Variants in TNFAIP8L1 observed in about 807,000 individuals in gnomAD.
TNFAIP8L1 encodes tumor necrosis factor alpha-induced protein 8-like protein 1.
For synonymous variants in TNFAIP8L1, 127 were observed against 125.6 expected (o/e 1.01, Z -0.08); for missense variants, 225 against 266.1 (o/e 0.85, Z 1.08).
chr19:4,644,901 T>G (rs2088295795), intron 1 of TNFAIP8L1, among the ~76,000 whole-genome samples: 1 of 152,028 alleles, frequency 6.6e-6, no homozygotes, highest in Non-Finnish European at 1.5e-5. Context: ...ACGCCCAGCC[T>G]GTGAGTCATG....
At chr19:4,640,765 T>C (rs1194902905) in intron 1 of TNFAIP8L1, 2 of 152,312 alleles carry the variant, frequency 1.3e-5, no homozygotes, top group South Asian at 2.1e-4. Flanking sequence ...TTGCATGGGC[T>C]GTGCCCTCTG....
At chr19:4,650,352 C>T (rs1378116061) in intron 1 of TNFAIP8L1, among the ~76,000 whole-genome samples, 1 of 151,764 alleles carries the variant, frequency 6.6e-6, no homozygotes, top group African/African-American at 2.4e-5. Flanking sequence ...GGAGATGGGG[C>T]CTTAGGGTAT....
chr19:4,648,924 C>CTTTT (rs10526236), intron 1 of TNFAIP8L1, among the ~76,000 whole-genome samples: 1 of 132,468 alleles, frequency 7.5e-6, no homozygotes. Flanking sequence ...TGCAAACATC[C>CTTTT]TTTTTTTTTT....
Position 4,655,452 on chromosome 19 carries a change from GTGT to G in TNFAIP8L1, c.*3023_*3025del, listed in dbSNP as rs2088415017. 2 of 152,208 alleles carry G rather than the reference GTGT, an allele frequency of 1.3e-5. No homozygotes were observed. The highest frequency in any genetic ancestry group is 4.1e-4 in the South Asian group (2 of 4,824). 9.4% of individuals were successfully genotyped at this position (152,208 alleles called of 1,614,324 possible). On this transcript the variant is annotated 3_prime_UTR_variant, in exon 2 of 2. Coordinates refer to ENST00000327473, the MANE Select transcript of TNFAIP8L1 (RefSeq NM_152362.3). ...GAGACATCAGTGTGTAAAACTCTCT[GTGT>G]CCCTGTTGGGCTGTCCAGACAGTCT... is the stretch of plus-strand genomic sequence containing the variant.
intron 1 of TNFAIP8L1, among the ~76,000 whole-genome samples, chr19:4,650,419 A>T (rs908256368): frequency 6.6e-6 from 1 of 151,644 alleles, no homozygotes; most frequent in African/African-American, 2.4e-5. Flanking sequence ...TGGTCCTGGG[A>T]GCTTTGAGGA....
In TNFAIP8L1 at chr19:4,641,276, AAT is replaced by A. The variant is rs2088258675; in HGVS notation, c.-4+1648_-4+1649del. ...GAGGCCTCAGTGTCCCTGTCTGTCC[AAT>A]GGGGCCACGAAAGGGTGCCTTGAGG... On this transcript the variant is annotated intron_variant, in intron 1 of 1. Transcript: ENST00000327473. This position sits in a 1 kb window ranked among gnomAD's most constrained non-coding sequence, Gnocchi z 4.6. 6.6e-6 allele frequency: 1 copy of A among 152,152 alleles called. No homozygotes were observed. Among genetic ancestry groups the A allele is most frequent in the Non-Finnish European group, 1.5e-5 (1 of 68,048 alleles). 9.4% of individuals were successfully genotyped at this position (152,152 alleles called of 1,614,324 possible).
At chr19:4,650,648 GCTCTC>G (rs1398669457) in intron 1 of TNFAIP8L1, among the ~76,000 whole-genome samples, 1 of 152,004 alleles carries the variant, frequency 6.6e-6, no homozygotes, top group African/African-American at 2.4e-5. Context: ...AGCTGGCCAG[GCTCTC>G]ACCTTGGCCA....
intron 1 of TNFAIP8L1, among the ~76,000 whole-genome samples, chr19:4,649,096 AT>A: frequency 6.6e-6 from 1 of 151,420 alleles, no homozygotes; most frequent in South Asian, 2.1e-4. Context: ...TGCCCAGCTA[AT>A]TTTTGTATTT....
At position 4,652,487 on chromosome 19, in the gene TNFAIP8L1, C is replaced by A. The variant is rs2088379578; in HGVS notation, c.*57C>A. The A allele has an allele frequency of 2.1e-6, 3 of 1,437,180 alleles. No homozygotes were observed. The highest frequency in any genetic ancestry group is 1.5e-5 in the African/African-American group (1 of 68,690). 89.0% of individuals were successfully genotyped at this position (1,437,180 alleles called of 1,614,324 possible). A position where few individuals can be genotyped will look rare whatever the true frequency, so the allele number is the denominator to read the frequency against. On this transcript the variant is annotated 3_prime_UTR_variant, in exon 2 of 2. Transcript: ENST00000327473. Reference sequence around the variant, plus strand: ...CCTTTTGGGGCTCTCCTGCTGGGCGCGGGTGGGGTTTGTGGGTTTTTTTCC... The same window carrying A: ...CCTTTTGGGGCTCTCCTGCTGGGCGAGGGTGGGGTTTGTGGGTTTTTTTCC...
rs2088257346 is a variant in TNFAIP8L1, at chr19:4,641,106, G to A, written c.-4+1477G>A. 1 of 152,246 alleles carries A rather than the reference G, an allele frequency of 6.6e-6. No homozygotes were observed. Among genetic ancestry groups the A allele is most frequent in the Non-Finnish European group, 1.5e-5 (1 of 68,124 alleles). The allele number at this position is 152,246 out of a possible 1,614,324, so 9.4% of individuals were successfully genotyped here. Reference sequence around the variant, plus strand: ...GACGGGTGCAGGTCTGAGGCCCCGCGGTACGGCCCCTCCCACTGTGTGGCC... The same window carrying A: ...GACGGGTGCAGGTCTGAGGCCCCGCAGTACGGCCCCTCCCACTGTGTGGCC... On this transcript the variant is annotated intron_variant, in intron 1 of 1. Transcript: ENST00000327473. This position sits in a 1 kb window ranked among gnomAD's most constrained non-coding sequence, Gnocchi z 4.6.
rs978954487 is a variant in TNFAIP8L1 at position 4,654,026 on chromosome 19, C to G, written c.*1596C>G. On this transcript the variant is annotated 3_prime_UTR_variant, in exon 2 of 2. Transcript: ENST00000327473. ...GCCACCACCAGGAGCTGGGAGAGGC[C>G]CAGGGCAGATCCCCTTCAGCCTTGG... is the stretch of plus-strand genomic sequence containing the variant. The G allele has an allele frequency of 1.3e-5, 2 of 152,182 alleles. No individual in the cohort carries two copies. Among genetic ancestry groups the G allele is most frequent in the African/African-American group, 4.8e-5 (2 of 41,418 alleles). The allele number at this position is 152,182 out of a possible 1,614,324, so 9.4% of individuals were successfully genotyped here.
intron 1 of TNFAIP8L1, among the ~76,000 whole-genome samples, chr19:4,648,759 A>G (rs1409079783): frequency 1.3e-5 from 2 of 152,076 alleles, no homozygotes; most frequent in African/African-American, 2.4e-5. Flanking sequence ...AGCTCCCGAG[A>G]TGGGCAGAAA....
chr19:4,642,895 T>C (rs564159293), intron 1 of TNFAIP8L1, among the ~76,000 whole-genome samples: 94 of 152,030 alleles, frequency 6.2e-4, no homozygotes, highest in Middle Eastern at 3.4e-3. Context: ...CAGGCACCCA[T>C]TGGCTGCTAC....
At chr19:4,640,232 C>T (rs1430613750) in intron 1 of TNFAIP8L1, 6 of 152,296 alleles carry the variant, frequency 3.9e-5, no homozygotes, top group Admixed American at 1.3e-4. Flanking sequence ...AGGCCCATTT[C>T]CTGGGATGGG....
rs570266394 is a variant in TNFAIP8L1 at position 4,654,346 on chromosome 19, A to T, written c.*1916A>T. 1.1e-3 allele frequency: 162 copies of T among 152,152 alleles called. 1 individual carries two copies. Among genetic ancestry groups the T allele is most frequent in the African/African-American group, 3.8e-3 (157 of 41,528 alleles). 9.4% of individuals were successfully genotyped at this position (152,152 alleles called of 1,614,324 possible). ...CCCACCTGAGATGTGTGCACATTTT[A>T]TTTATTTATTGTTTTGAGACAAAGT... On this transcript the variant is annotated 3_prime_UTR_variant, in exon 2 of 2. Coordinates refer to ENST00000327473, the MANE Select transcript of TNFAIP8L1 (RefSeq NM_152362.3).
At position 4,639,534 on chromosome 19, in the gene TNFAIP8L1, G is replaced by C. The variant is rs1365447278; in HGVS notation, c.-99G>C. Reference sequence around the variant, plus strand: ...CCGCCCCGGCCCCGGCCCCGGCTCCGGCGCTGCTCCCACCGCCGCGGCAAC... The same window carrying C: ...CCGCCCCGGCCCCGGCCCCGGCTCCCGCGCTGCTCCCACCGCCGCGGCAAC... On this transcript the variant is annotated 5_prime_UTR_variant, in exon 1 of 2. Transcript: ENST00000327473. 1 of 151,884 alleles carries C rather than the reference G, an allele frequency of 6.6e-6. No homozygotes were observed. Among genetic ancestry groups the C allele is most frequent in the Non-Finnish European group, 1.5e-5 (1 of 67,764 alleles). 9.4% of individuals were successfully genotyped at this position (151,884 alleles called of 1,614,324 possible).
At position 4,652,261 on chromosome 19, in the gene TNFAIP8L1, TG is replaced by T; in HGVS notation, c.395del (p.Gly132ValfsTer4). 6.4e-7 allele frequency: 1 copy of T among 1,562,082 alleles called. No individual in the cohort carries two copies. Among genetic ancestry groups the T allele is most frequent in the Non-Finnish European group, 8.6e-7 (1 of 1,157,138 alleles). On this transcript the variant is annotated frameshift_variant, in exon 2 of 2. Transcript: ENST00000327473. LOFTEE classifies it low-confidence loss of function (END_TRUNC). ...TGCCGCGACCTGCTGCACCAGGCCG[TG>T]GGTCCCCACCTGACCGCCAAGTCCC... ...LECRDLLHQAVGPHLTAKSHG... is the reference protein window; with the variant it reads ...LECRDLLHQAXGPHLTAKSHG...
At chr19:4,646,823 G>T (rs1376997349) in intron 1 of TNFAIP8L1, among the ~76,000 whole-genome samples, 1 of 152,108 alleles carries the variant, frequency 6.6e-6, no homozygotes, top group Admixed American at 6.6e-5. Flanking sequence ...GTAGAGACGG[G>T]GTTTCACCGT....
In TNFAIP8L1 at chr19:4,639,520, C is replaced by G. The variant is rs1188342457; in HGVS notation, c.-113C>G. On this transcript the variant is annotated 5_prime_UTR_variant, in exon 1 of 2. Coordinates refer to ENST00000327473, the MANE Select transcript of TNFAIP8L1 (RefSeq NM_152362.3). The stretch of plus-strand genomic sequence containing the variant: ...CCGCGCTGCCCGCCCCGCCCCGGCC[C>G]CGGCCCCGGCTCCGGCGCTGCTCCC... 1.3e-5 allele frequency: 2 copies of G among 151,764 alleles called. No homozygotes were observed. The highest frequency in any genetic ancestry group is 3.9e-4 in the East Asian group (2 of 5,188). The allele number at this position is 151,764 out of a possible 1,614,324, so 9.4% of individuals were successfully genotyped here.
Sources: allele counts gnomAD v4.1 joint callset (sites outside exome capture counted in the v4.1 genomes callset), GRCh38; gene constraint gnomAD v4.1.1; non-coding constraint Gnocchi (gnomAD v3.1); transcripts MANE v1.5; gene names NCBI Gene and HGNC (gene_info 2026-07-23, HGNC 2026-07-21).